The following FAT3 variants were observed in gnomAD, a reference collection of about 807,000 sequenced individuals.
FAT3 encodes the protein protocadherin Fat 3.
In FAT3, 95 loss-of-function variants were observed where a neutral mutation model predicts 310.2. That is an observed-to-expected ratio of 0.31 (90% CI 0.26 to 0.36). The LOEUF is 0.36. Among genes scored for constraint, FAT3 ranks in the 10% least tolerant of loss-of-function variants. The probability of loss-of-function intolerance (pLI) is 1.00; values close to 1 mark genes in which losing one functional copy is unlikely to be tolerated. For missense variants in FAT3, 5,408 were observed against 5,715.6 expected (o/e 0.95, Z 1.74); for synonymous variants, 2,314 against 2,192.9 (o/e 1.06, Z -1.54).
intron 23 of FAT3, 145 bp from the exon 24 acceptor site, chr11:92,882,593 C>G (rs1036792818): frequency 3.0e-5 from 17 of 572,540 alleles, no homozygotes; most frequent in African/African-American, 6.4e-5. Context: ...CCTCCCCCCC[C>G]CCACCAACCA....
chr11:92,814,484 C>A (rs1284121675), intron 13 of FAT3, among the ~76,000 whole-genome samples: 1 of 152,078 alleles, frequency 6.6e-6, no homozygotes, highest in Non-Finnish European at 1.5e-5. Context: ...CTAAGAAATA[C>A]CGTGGCAACT....
rs781434754 is a variant in FAT3 at position 92,353,292 on chromosome 11, G to A, written c.1180G>A (p.Val394Met). ...SISEFSPPGV[V>M]VAIVKLSPEP... is the part of the protein sequence containing the mutation. Reference sequence around the variant, plus strand: ...AAGTGAATTTTCCCCTCCTGGTGTCGTGGTTGCTATAGTAAAATTAAGTCC... The same window carrying A: ...AAGTGAATTTTCCCCTCCTGGTGTCATGGTTGCTATAGTAAAATTAAGTCC... Residue 394 changes from valine (V) to methionine (M), a missense_variant, in exon 2 of 28, where the codon GTG becomes ATG. Physicochemically the swap from Val to Met is conservative, Grantham distance 21. Around this residue, in one of 5 missense-constraint regions of FAT3, gnomAD observed 4,588 missense variants for 4,809.8 expected, o/e 0.95. Coordinates refer to ENST00000525166, the MANE Select transcript of FAT3 (RefSeq NM_001367949.2). 9.7e-5 allele frequency: 156 copies of A among 1,613,514 alleles called. No individual in the cohort carries two copies. The highest frequency in any genetic ancestry group is 1.1e-4 in the Non-Finnish European group (133 of 1,179,796).
chr11:92,394,678 C>G (rs1198393157), intron 2 of FAT3, among the ~76,000 whole-genome samples: 5 of 151,478 alleles, frequency 3.3e-5, no homozygotes, highest in Admixed American at 2.6e-4. Context: ...AACTCTGTAT[C>G]TTATTTATAT....
At chr11:92,425,440 A>C (rs182443064) in intron 2 of FAT3, among the ~76,000 whole-genome samples, 71 of 152,118 alleles carry the variant, frequency 4.7e-4, no homozygotes, top group Non-Finnish European at 9.0e-4. Context: ...CAGAACGTGC[A>C]GGTTTGTTAC....
chr11:92,462,862 G>A (rs1951669294), intron 2 of FAT3, among the ~76,000 whole-genome samples: 1 of 152,218 alleles, frequency 6.6e-6, no homozygotes, highest in South Asian at 2.1e-4. Flanking sequence ...AGAACTTCCA[G>A]TACTTCTTGT....
At chr11:92,500,919 T>G (rs1451412800) in intron 2 of FAT3, among the ~76,000 whole-genome samples, 1 of 152,082 alleles carries the variant, frequency 6.6e-6, no homozygotes, top group African/African-American at 2.4e-5. Flanking sequence ...GCATACAGTC[T>G]GGCAATCATG....
chr11:92,841,142 C>T (rs762836852), intron 18 of FAT3, among the ~76,000 whole-genome samples: 2 of 152,128 alleles, frequency 1.3e-5, no homozygotes, highest in Admixed American at 1.3e-4. Flanking sequence ...GCTTGATAGG[C>T]CTTCCCCAGT....
chr11:92,850,308 G>A (rs1948792050), intron 19 of FAT3, among the ~76,000 whole-genome samples: 1 of 152,192 alleles, frequency 6.6e-6, no homozygotes, highest in Admixed American at 6.5e-5. Context: ...ACATTGCCAG[G>A]AGAGGTGTGG....
chr11:92,566,891 A>T (rs868330690), intron 3 of FAT3, among the ~76,000 whole-genome samples: 14 of 152,220 alleles, frequency 9.2e-5, no homozygotes, highest in African/African-American at 1.4e-4. Flanking sequence ...TCAATTCAAG[A>T]TGGATTAAAG....
At chr11:92,545,200 C>A (rs1396687302) in intron 3 of FAT3, among the ~76,000 whole-genome samples, 1 of 152,156 alleles carries the variant, frequency 6.6e-6, no homozygotes, top group Non-Finnish European at 1.5e-5. Flanking sequence ...CTCTTCAAGG[C>A]CTTCCTCAGT....
At chr11:92,432,685 A>G (rs184044916) in intron 2 of FAT3, among the ~76,000 whole-genome samples, 3 of 152,192 alleles carry the variant, frequency 2.0e-5, no homozygotes, top group Non-Finnish European at 4.4e-5. Flanking sequence ...GCTCTCCTGT[A>G]TGAGGTGTCT....
intron 4 of FAT3, among the ~76,000 whole-genome samples, chr11:92,711,387 A>G (rs59552322): frequency 0.02 from 3,031 of 152,214 alleles, 92 homozygotes; most frequent in African/African-American, 0.069. Flanking sequence ...ACCATCTATC[A>G]CTTTTTCTAG....
Position 92,896,290 on chromosome 11 carries a change from C to T in FAT3, c.*5177C>T, listed in dbSNP as rs781067480. The stretch of plus-strand genomic sequence containing the variant: ...TATATTGCTGGTGGCAGTATTCAGT[C>T]TTGTGTTCTTTTTCTAAAAAAAAAG... On this transcript the variant is annotated 3_prime_UTR_variant, in exon 28 of 28. Transcript: ENST00000525166. The T allele has an allele frequency of 6.9e-6, 1 of 144,000 alleles. No homozygotes were observed. Among genetic ancestry groups the T allele is most frequent in the South Asian group, 2.2e-4 (1 of 4,450 alleles). 8.9% of individuals were successfully genotyped at this position (144,000 alleles called of 1,614,324 possible).
chr11:92,497,325 A>T (rs1391864414), intron 2 of FAT3, among the ~76,000 whole-genome samples: 13 of 152,066 alleles, frequency 8.5e-5, no homozygotes, highest in Admixed American at 7.2e-4. Flanking sequence ...AGAAGATACA[A>T]ATTCAAGTTA....
intron 3 of FAT3, among the ~76,000 whole-genome samples, chr11:92,596,460 T>C (rs539194): frequency 0.067 from 10,186 of 152,150 alleles, 489 homozygotes; most frequent in Non-Finnish European, 0.1. Context: ...CTCTTTCAGA[T>C]CAAGTGGCCT....
At chr11:92,624,240 T>C (rs1941222125) in intron 3 of FAT3, among the ~76,000 whole-genome samples, 1 of 152,150 alleles carries the variant, frequency 6.6e-6, no homozygotes, top group South Asian at 2.1e-4. Flanking sequence ...GTGTAGTATT[T>C]TGCCGGATGA....
chr11:92,736,084 C>A (rs1259692633), intron 4 of FAT3, among the ~76,000 whole-genome samples: 1 of 152,104 alleles, frequency 6.6e-6, no homozygotes, highest in African/African-American at 2.4e-5. Context: ...GAAGATGGCT[C>A]TTTGAAGGCA....
chr11:92,563,942 G>A (rs868404685), intron 3 of FAT3, among the ~76,000 whole-genome samples: 3 of 152,080 alleles, frequency 2.0e-5, no homozygotes, highest in African/African-American at 7.2e-5. Flanking sequence ...ATGCCAAAAT[G>A]TAAAGACCAT....
At chr11:92,703,550 A>G (rs1445829502) in intron 4 of FAT3, among the ~76,000 whole-genome samples, 2 of 152,232 alleles carry the variant, frequency 1.3e-5, no homozygotes, top group Non-Finnish European at 2.9e-5. Flanking sequence ...TCTGTGCTCC[A>G]GAGCTCCCAG....
Sources: allele counts gnomAD v4.1 joint callset (sites outside exome capture counted in the v4.1 genomes callset), GRCh38; gene constraint gnomAD v4.1.1; regional missense constraint gnomAD v4.1.1; transcripts MANE v1.5; gene names NCBI Gene and HGNC (gene_info 2026-07-23, HGNC 2026-07-21).